KDM3B: variants seen among roughly 807,000 people sequenced by gnomAD.
KDM3B encodes the protein lysine-specific demethylase 3B.
A neutral mutation model predicts 170.0 loss-of-function variants in KDM3B; 10 were observed. That is an observed-to-expected ratio of 0.06 (90% CI 0.04 to 0.10). The LOEUF is 0.10. KDM3B is among the 10% of genes least tolerant of loss of function. The pLI is 1.00. For synonymous variants in KDM3B, 831 were observed against 834.8 expected, an observed-to-expected ratio of 1.00 and a Z score of 0.08; for missense variants, 1,394 against 2,195.2, an observed-to-expected ratio of 0.64 and a Z score of 7.29.
At chr5:138,413,501 C>A (rs1763027025) in intron 11 of KDM3B, among the ~76,000 whole-genome samples, 1 of 152,110 alleles carries the variant, frequency 6.6e-6, no homozygotes, top group South Asian at 2.1e-4. Context: ...GCAAGAAGGT[C>A]ATTTCTTACA....
chr5:138,434,245 T>C (rs1763614663), intron 23 of KDM3B, among the ~76,000 whole-genome samples: 1 of 151,824 alleles, frequency 6.6e-6, no homozygotes, highest in Non-Finnish European at 1.5e-5. Context: ...CAACAGACTC[T>C]GTCTCTTTAT....
intron 1 of KDM3B, among the ~76,000 whole-genome samples, chr5:138,365,646 A>G (rs970923328): frequency 1.3e-5 from 2 of 151,922 alleles, no homozygotes; most frequent in Non-Finnish European, 2.9e-5. Context: ...TTCCATCCAT[A>G]TCTTCCAACC....
At chr5:138,360,522 T>TTG (rs55976818) in intron 1 of KDM3B, among the ~76,000 whole-genome samples, 21,251 of 137,706 alleles carry the variant, frequency 0.15, 1,876 homozygotes, top group Non-Finnish European at 0.2. Flanking sequence ...TAAAAAAAGA[T>TTG]TGTGTGTGTG....
intron 4 of KDM3B, among the ~76,000 whole-genome samples, chr5:138,378,310 C>T (rs747745918): frequency 6.6e-6 from 1 of 152,060 alleles, no homozygotes; most frequent in African/African-American, 2.4e-5. Flanking sequence ...AAAATCTTTG[C>T]TTTTTTAACT....
intron 5 of KDM3B, among the ~76,000 whole-genome samples, chr5:138,380,867 G>A (rs1214132095): frequency 6.6e-6 from 1 of 150,864 alleles, no homozygotes; most frequent in Non-Finnish European, 1.5e-5. Flanking sequence ...CCAGCCTGGA[G>A]TGATTTTTTT....
chr5:138,426,858 G>A (rs564568114), intron 17 of KDM3B, 117 bp from the exon 18 acceptor site: 25 of 699,658 alleles, frequency 3.6e-5, no homozygotes, highest in East Asian at 2.8e-4. Flanking sequence ...GCAAGACTCT[G>A]TCTCAAAAAA....
chr5:138,421,002 A>G (rs1049216446), intron 15 of KDM3B, 40 bp downstream of exon 15: 5 of 1,607,668 alleles, frequency 3.1e-6, no homozygotes, highest in East Asian at 2.2e-5. Flanking sequence ...CAGCTTTTCC[A>G]TGAAAGAACC....
chr5:138,353,063 A>AG, intron 1 of KDM3B, 76 bp downstream of exon 1: 1 of 171,298 alleles, frequency 5.8e-6, no homozygotes, highest in Non-Finnish European at 7.5e-6. Context: ...GGCCTTTGTG[A>AG]GGGGGCGGTG....
intron 1 of KDM3B, among the ~76,000 whole-genome samples, chr5:138,362,124 A>C (rs570469251): frequency 6.6e-6 from 1 of 152,212 alleles, no homozygotes; most frequent in South Asian, 2.1e-4. Context: ...GTTCGAGACC[A>C]GTCTGGCCGA....
intron 10 of KDM3B, among the ~76,000 whole-genome samples, chr5:138,398,969 A>T (rs1252986195): frequency 8.7e-5 from 13 of 148,592 alleles, no homozygotes; most frequent in African/African-American, 3.2e-4. Flanking sequence ...GCTCACTGCA[A>T]CCTCCACCTC....
intron 11 of KDM3B, among the ~76,000 whole-genome samples, chr5:138,408,466 T>C (rs1317981917): frequency 6.6e-6 from 1 of 151,444 alleles, no homozygotes; most frequent in Non-Finnish European, 1.5e-5. Context: ...GTCTAGATGG[T>C]GGCCTTACTA....
chr5:138,359,653 T>G (rs551542919), intron 1 of KDM3B, among the ~76,000 whole-genome samples: 1 of 152,074 alleles, frequency 6.6e-6, no homozygotes, highest in Non-Finnish European at 1.5e-5. Context: ...CCTAATTTGT[T>G]TTCTGCTGAG....
intron 6 of KDM3B, among the ~76,000 whole-genome samples, chr5:138,383,890 C>G (rs1367784208): frequency 1.3e-5 from 2 of 151,368 alleles, no homozygotes; most frequent in Non-Finnish European, 2.9e-5. Context: ...GCGGAGGTTG[C>G]AGTGAGCTGA....
At chr5:138,401,645 A>T (rs1282824760) in intron 11 of KDM3B, among the ~76,000 whole-genome samples, 1 of 152,136 alleles carries the variant, frequency 6.6e-6, no homozygotes, top group African/African-American at 2.4e-5. Flanking sequence ...TACATGTAGG[A>T]GTGGAATTGG....
intron 11 of KDM3B, among the ~76,000 whole-genome samples, chr5:138,401,924 C>T (rs1289413797): frequency 2.7e-5 from 4 of 146,718 alleles, no homozygotes; most frequent in African/African-American, 1.0e-4. Context: ...TTTTTTCTTT[C>T]TTTTTTTTTT....
intron 3 of KDM3B, among the ~76,000 whole-genome samples, chr5:138,376,595 T>C (rs1453402192): frequency 6.6e-6 from 1 of 151,462 alleles, no homozygotes; most frequent in Non-Finnish European, 1.5e-5. Context: ...TCCCAGCTAC[T>C]CGGGAGGCTG....
At chr5:138,421,065 A>G (rs1763261535) in intron 15 of KDM3B, 103 bp downstream of exon 15, 1 of 1,336,842 alleles carries the variant, frequency 7.5e-7, no homozygotes. Flanking sequence ...TGTGTTCTCT[A>G]CATTGTCAAG....
intron 17 of KDM3B, 65 bp from the exon 18 acceptor site, chr5:138,426,910 T>C (rs1763413384): frequency 8.7e-7 from 1 of 1,153,682 alleles, no homozygotes; most frequent in Admixed American, 1.8e-5. Context: ...TCCCAAAAGT[T>C]ACTGTTGAAA....
At chr5:138,376,318 A>G (rs2126927304) in intron 3 of KDM3B, among the ~76,000 whole-genome samples, 1 of 152,208 alleles carries the variant, frequency 6.6e-6, no homozygotes, top group South Asian at 2.1e-4. Flanking sequence ...CTTGCAAAGT[A>G]CTTTTGGTGG....
Sources: allele counts gnomAD v4.1 joint callset (sites outside exome capture counted in the v4.1 genomes callset), GRCh38; gene constraint gnomAD v4.1.1; transcripts MANE v1.5; gene names NCBI Gene and HGNC (gene_info 2026-07-23, HGNC 2026-07-21).